Variants in MMRN2 observed in about 807,000 individuals in gnomAD.
MMRN2 encodes the protein multimerin-2.
A neutral mutation model predicts 68.8 loss-of-function variants in MMRN2; 53 were observed. The ratio of observed to expected loss-of-function variants is 0.77; its 90% CI spans 0.62 to 0.97. The LOEUF is 0.97. MMRN2 is among the 50% of genes least tolerant of loss of function. The probability of loss-of-function intolerance (pLI) is 0.00; values close to 1 mark genes in which losing one functional copy is unlikely to be tolerated. For missense variants in MMRN2, 1,266 were observed against 1,259.5 expected (o/e 1.01, Z -0.08); for synonymous variants, 564 against 551.6 (o/e 1.02, Z -0.32).
chr10:86,951,329 G>A (rs1844140863), intron 1 of MMRN2, among the ~76,000 whole-genome samples: 1 of 152,216 alleles, frequency 6.6e-6, no homozygotes, highest in Non-Finnish European at 1.5e-5. Flanking sequence ...CACAAGGCCA[G>A]CTACATAATC....
Position 86,942,965 on chromosome 10 carries a change from C to G in MMRN2, c.1819G>C (p.Glu607Gln). 3 of 1,493,000 alleles carry G rather than the reference C, an allele frequency of 2.0e-6. No homozygotes were observed. Among genetic ancestry groups the G allele is most frequent in the Non-Finnish European group, 2.7e-6 (3 of 1,122,568 alleles). 92.5% of individuals were successfully genotyped at this position (1,493,000 alleles called of 1,614,324 possible). A position where few individuals can be genotyped will look rare whatever the true frequency, so the allele number is the denominator to read the frequency against. ...CCGAAGAGCGCGGCCAGCACCGCCTCGTGCCGCAGCGCGTCCTCCAGCAGG... is the reference window on the plus strand; with the variant it reads ...CCGAAGAGCGCGGCCAGCACCGCCTGGTGCCGCAGCGCGTCCTCCAGCAGG... The part of the protein sequence containing the change: ...AALLEDALRH[E>Q]AVLAALFGEE... Residue 607 changes from glutamate to glutamine, a missense_variant, in exon 6 of 7, where the codon GAG becomes CAG. Glu to Gln is a conservative substitution (Grantham distance 29, BLOSUM62 2). Transcript: ENST00000372027.
chr10:86,950,560 T>A (rs1316455533), intron 1 of MMRN2, among the ~76,000 whole-genome samples: 3 of 151,672 alleles, frequency 2.0e-5, no homozygotes, highest in Admixed American at 6.6e-5. Flanking sequence ...AAAAACCAGG[T>A]GAAGAGAGCC....
At chr10:86,939,849 G>T (rs1272075997) in intron 6 of MMRN2, among the ~76,000 whole-genome samples, 2 of 117,100 alleles carry the variant, frequency 1.7e-5, no homozygotes, top group African/African-American at 2.9e-5. Context: ...TTGTGTGTGT[G>T]TGTGTGTGTG....
At chr10:86,950,104 T>C (rs1277828855) in intron 1 of MMRN2, among the ~76,000 whole-genome samples, 3 of 151,942 alleles carry the variant, frequency 2.0e-5, no homozygotes, top group Non-Finnish European at 4.4e-5. Flanking sequence ...CCCAGCACTT[T>C]GGGAGGCCGA....
chr10:86,951,324 GGCCAGCTACATAATC>G (rs1844140799), intron 1 of MMRN2, among the ~76,000 whole-genome samples: 1 of 152,184 alleles, frequency 6.6e-6, no homozygotes, highest in South Asian at 2.1e-4. Context: ...TTTGACACAA[GGCCAGCTACATAATC>G]TTCAGGGCCC....
chr10:86,957,276 T>G, intron 1 of MMRN2, 102 bp downstream of exon 1: 1 of 1,251,634 alleles, frequency 8.0e-7, no homozygotes, highest in Non-Finnish European at 1.2e-6. Flanking sequence ...ATTAGCCCAT[T>G]TCACAGATGG....
intron 1 of MMRN2, among the ~76,000 whole-genome samples, chr10:86,955,448 TCTC>T (rs1457893348): frequency 6.6e-6 from 1 of 152,022 alleles, no homozygotes; most frequent in Non-Finnish European, 1.5e-5. Context: ...TATTCAAGCT[TCTC>T]CTTGCAAAGG....
In MMRN2 at chr10:86,942,640, C is replaced by T. The variant is rs1199682423; in HGVS notation, c.2144G>A (p.Cys715Tyr). The change falls in exon 6 of 7, where the codon TGC (cysteine) becomes TAC (tyrosine). Residue 715 changes from cysteine to tyrosine, a missense_variant. Coordinates refer to ENST00000372027, the MANE Select transcript of MMRN2 (RefSeq NM_024756.3). ...GGCCCCGGCCCCGGCCTCGGCCTCG[C>T]AGCACCGCCCGACATTCTTGACGTC... ...SNDVKNVGRCCEAEAGAGAAS... is the reference protein window; with the variant it reads ...SNDVKNVGRCYEAEAGAGAAS... 1.3e-6 allele frequency: 2 copies of T among 1,598,370 alleles called. No individual in the cohort carries two copies. The highest frequency in any genetic ancestry group is 1.7e-6 in the Non-Finnish European group (2 of 1,178,298).
rs1181330762 is a variant in MMRN2, at chr10:86,945,544, C to A, written c.293+17G>T. 1.5e-5 allele frequency: 23 copies of A among 1,576,426 alleles called. No individual in the cohort carries two copies. The highest frequency in any genetic ancestry group is 1.9e-5 in the Non-Finnish European group (22 of 1,160,334). ...CCGCTCCAGGCCTGGGCAAATGGCC[C>A]ACCCTCCCCTACTCACATGACTTTG... On this transcript the variant is annotated intron_variant, in intron 2 of 6. Transcript: ENST00000372027.
rs375797182 is a variant in MMRN2, at chr10:86,942,971, G to A, written c.1813C>T (p.Arg605Trp). The A allele has an allele frequency of 2.7e-6, 4 of 1,489,488 alleles. No homozygotes were observed. Among genetic ancestry groups the A allele is most frequent in the Admixed American group, 4.0e-5 (2 of 49,608 alleles). 92.3% of individuals were successfully genotyped at this position (1,489,488 alleles called of 1,614,324 possible). ...AGCGCGGCCAGCACCGCCTCGTGCC[G>A]CAGCGCGTCCTCCAGCAGGGCGGCG... ...AFAALLEDAL[R>W]HEAVLAALFG... The change falls in exon 6 of 7, where the codon CGG (arginine) becomes TGG (tryptophan). Residue 605 changes from arginine to tryptophan, a missense_variant. Arg to Trp is a moderately radical substitution (Grantham distance 101). Coordinates refer to ENST00000372027, the MANE Select transcript of MMRN2 (RefSeq NM_024756.3).
At chr10:86,948,224 C>CAA (rs57877767) in intron 1 of MMRN2, among the ~76,000 whole-genome samples, 231 of 98,776 alleles carry the variant, frequency 2.3e-3, no homozygotes, top group East Asian at 0.021. Flanking sequence ...AACCCTATCT[C>CAA]AAAAAAAAAA....
rs1446327543 is a variant in MMRN2, at chr10:86,945,674, G to A, written c.180C>T (p.Tyr60=). ...KDPVGRNWCP[Y]PMSKLVTLLA... ...GTAAGGTGACCAGCTTGGACATTGGGTAGGGGCACCAGTTACTGGAAAACA... is the reference window on the plus strand; with the variant it reads ...GTAAGGTGACCAGCTTGGACATTGGATAGGGGCACCAGTTACTGGAAAACA... The change falls in exon 2 of 7, where the codon TAC becomes TAT. Residue 60 remains tyrosine (Y), a synonymous_variant. Coordinates refer to ENST00000372027, the MANE Select transcript of MMRN2 (RefSeq NM_024756.3). 1 of 1,614,066 alleles carries A rather than the reference G, an allele frequency of 6.2e-7. No homozygotes were observed. Among genetic ancestry groups the A allele is most frequent in the East Asian group, 2.2e-5 (1 of 44,878 alleles).
intron 6 of MMRN2, among the ~76,000 whole-genome samples, chr10:86,937,743 G>A (rs1362946833): frequency 2.6e-5 from 4 of 152,158 alleles, no homozygotes; most frequent in Non-Finnish European, 5.9e-5. Flanking sequence ...ACTCCCAGAC[G>A]ACCACCACTT....
At position 86,936,273 on chromosome 10, in the gene MMRN2, T is replaced by A. The variant is rs1843876840; in HGVS notation, c.*470A>T. ...GTTTAATCCCATTGCCCTCTAGTGC[T>A]TTCCAATGTTGGCCAAAATGTTGCC... On this transcript the variant is annotated 3_prime_UTR_variant, in exon 7 of 7. Coordinates refer to ENST00000372027, the MANE Select transcript of MMRN2 (RefSeq NM_024756.3). The A allele has an allele frequency of 7.1e-6, 3 of 420,508 alleles. No homozygotes were observed. The allele number at this position is 420,508 out of a possible 1,614,324, so 26.0% of individuals were successfully genotyped here.
At chr10:86,944,630 T>C in intron 4 of MMRN2, 195 bp from the exon 5 acceptor site, 2 of 584,308 alleles carry the variant, frequency 3.4e-6, no homozygotes, top group Non-Finnish European at 6.0e-6. Context: ...CTCCTACACC[T>C]ACAGCAGACA....
intron 6 of MMRN2, among the ~76,000 whole-genome samples, chr10:86,938,795 G>A (rs1280160281): frequency 6.6e-6 from 1 of 152,246 alleles, no homozygotes; most frequent in Non-Finnish European, 1.5e-5. Context: ...ATAAAAAAAT[G>A]TTGCTTTTCT....
In MMRN2 at chr10:86,943,365, G is replaced by C. The variant is rs146872793; in HGVS notation, c.1419C>G (p.Leu473=). 5,900 of 1,614,026 alleles carry C rather than the reference G, an allele frequency of 3.7e-3. 22 individuals carry two copies. The highest frequency in any genetic ancestry group is 5.9e-3 in the South Asian group (538 of 91,076). Residue 473 remains leucine, a synonymous_variant, in exon 6 of 7, where the codon CTC becomes CTG. Coordinates refer to ENST00000372027, the MANE Select transcript of MMRN2 (RefSeq NM_024756.3). The surrounding 1 kb of genome is among the most constrained non-coding windows in gnomAD (Gnocchi z 4.2). ...EVERQLLELN[L]TLQHLQGGHA... ...GGCCACCCTGCAGGTGCTGCAGCGT[G>C]AGGTTGAGCTCCAGGAGCTGCCGCT...
intron 4 of MMRN2, 139 bp from the exon 5 acceptor site, chr10:86,944,574 T>A: frequency 1.1e-6 from 1 of 915,966 alleles, no homozygotes; most frequent in Non-Finnish European, 1.6e-6. Flanking sequence ...TTAGAAGCCT[T>A]AAACCCCTGG....
rs566841703 is a variant in MMRN2 at position 86,940,209 on chromosome 10, C to T, written c.2467+2108G>A. On this transcript the variant is annotated intron_variant, in intron 6 of 6. Transcript: ENST00000372027. Reference sequence around the variant, plus strand: ...ATTTTTAGTAGAGATGGGGTTTCACCATGTTGGCCAGGCTGGTCTTGAACT... The same window carrying T: ...ATTTTTAGTAGAGATGGGGTTTCACTATGTTGGCCAGGCTGGTCTTGAACT... Among the ~76,000 whole-genome samples the T allele has an allele frequency of 5.3e-4, 81 of 152,170 alleles. 1 individual carries two copies. The highest frequency in any genetic ancestry group is 9.4e-4 in the Non-Finnish European group (64 of 67,998).
Sources: allele counts gnomAD v4.1 joint callset (sites outside exome capture counted in the v4.1 genomes callset), GRCh38; gene constraint gnomAD v4.1.1; non-coding constraint Gnocchi (gnomAD v3.1); transcripts MANE v1.5; gene names NCBI Gene and HGNC (gene_info 2026-07-23, HGNC 2026-07-21).